FRMD6: variants seen among roughly 807,000 people sequenced by gnomAD.
The protein encoded by FRMD6 is FERM domain containing 6, also known as FERM domain-containing protein 6.
Under a neutral mutation model 73.2 loss-of-function variants are expected in FRMD6, and 37 were observed. The ratio of observed to expected loss-of-function variants is 0.51; its 90% CI spans 0.39 to 0.66. The LOEUF is 0.66. Ranked by LOEUF, FRMD6 falls within the 30% of genes least tolerant of loss-of-function variation. The pLI is 0.00. For synonymous variants in FRMD6, 273 were observed against 282.2 expected (o/e 0.97, Z 0.33); for missense variants, 714 against 780.5 (o/e 0.91, Z 1.02).
At chr14:51,418,726 C>G in the FRMD6 span, among the ~76,000 whole-genome samples, 119 of 152,338 alleles carry the variant, frequency 7.8e-4, 1 homozygote, top group African/African-American at 2.6e-3. Context: ...CAGACAGGGA[C>G]GTTTAAGTCT....
At chr14:51,571,308 G>T (rs1047348750) in intron 2 of FRMD6, among the ~76,000 whole-genome samples, 2 of 152,252 alleles carry the variant, frequency 1.3e-5, no homozygotes, top group Admixed American at 6.5e-5. Context: ...GAGCTGAGGA[G>T]TTCGATGCTG....
intron 2 of FRMD6, among the ~76,000 whole-genome samples, chr14:51,606,357 C>T (rs1367317048): frequency 6.6e-6 from 1 of 152,162 alleles, no homozygotes; most frequent in African/African-American, 2.4e-5. Context: ...TATGCACATG[C>T]CCACACATAT....
chr14:51,511,364 T>C (rs528279623), intron 1 of FRMD6, among the ~76,000 whole-genome samples: 28 of 152,338 alleles, frequency 1.8e-4, no homozygotes, highest in African/African-American at 6.3e-4. Flanking sequence ...ATAATATGAA[T>C]AACAGCTTTG....
chr14:51,500,254 C>T (rs188353928), intron 1 of FRMD6, among the ~76,000 whole-genome samples: 5 of 152,130 alleles, frequency 3.3e-5, no homozygotes, highest in East Asian at 1.9e-4. Flanking sequence ...GTAGGCCGGG[C>T]GTGGTGGCTT....
the FRMD6 span, among the ~76,000 whole-genome samples, chr14:51,399,421 G>A: frequency 0.09 from 13,610 of 152,054 alleles, 703 homozygotes; most frequent in African/African-American, 0.14. Context: ...CCCATTTTTC[G>A]GTAGATACAT....
chr14:51,645,605 T>G (rs546604638), intron 2 of FRMD6, among the ~76,000 whole-genome samples: 1 of 152,068 alleles, frequency 6.6e-6, no homozygotes, highest in East Asian at 1.9e-4. Context: ...CCCAGCTAAT[T>G]TTTTATTTTT....
chr14:51,603,706 C>T (rs542653780), intron 2 of FRMD6, among the ~76,000 whole-genome samples: 8 of 152,106 alleles, frequency 5.3e-5, no homozygotes, highest in Non-Finnish European at 8.8e-5. Context: ...TCACTAGTTA[C>T]GTAACCTGGA....
the FRMD6 span, among the ~76,000 whole-genome samples, chr14:51,418,993 G>A: frequency 6.6e-6 from 1 of 152,248 alleles, no homozygotes; most frequent in Non-Finnish European, 1.5e-5. Context: ...GCCAGGCACG[G>A]GATATAATCT....
chr14:51,436,403 C>T, the FRMD6 span: 9 of 467,858 alleles, frequency 1.9e-5, no homozygotes, highest in African/African-American at 4.1e-5. Flanking sequence ...TGACCAGAGT[C>T]GAAGTGATGG....
chr14:51,515,881 A>G (rs758122881), intron 1 of FRMD6, among the ~76,000 whole-genome samples: 3 of 152,212 alleles, frequency 2.0e-5, no homozygotes, highest in Non-Finnish European at 2.9e-5. Flanking sequence ...GCCAGCTTCC[A>G]ATACAAATAG....
chr14:51,565,030 C>T (rs954354495), intron 1 of FRMD6, among the ~76,000 whole-genome samples: 3 of 152,166 alleles, frequency 2.0e-5, no homozygotes, highest in Non-Finnish European at 4.4e-5. Flanking sequence ...AAGTCTTGAG[C>T]GAAAACTTCC....
intron 1 of FRMD6, among the ~76,000 whole-genome samples, chr14:51,534,348 A>C (rs1167481365): frequency 1.3e-5 from 2 of 152,196 alleles, no homozygotes; most frequent in African/African-American, 4.8e-5. Flanking sequence ...ACCAGTCCTC[A>C]AAGCTTAATT....
the FRMD6 span, among the ~76,000 whole-genome samples, chr14:51,425,502 C>T: frequency 1.3e-5 from 2 of 152,164 alleles, no homozygotes; most frequent in Non-Finnish European, 2.9e-5. Flanking sequence ...TTCTTCTGGG[C>T]GCCCACTGGC....
At chr14:51,542,561 G>A (rs928274097) in intron 1 of FRMD6, among the ~76,000 whole-genome samples, 1 of 151,728 alleles carries the variant, frequency 6.6e-6, no homozygotes, top group Admixed American at 6.6e-5. Context: ...TCTTTCTTTT[G>A]TCTATTGTGA....
chr14:51,561,733 A>C (rs1367789978), intron 1 of FRMD6, among the ~76,000 whole-genome samples: 4 of 152,186 alleles, frequency 2.6e-5, no homozygotes, highest in Non-Finnish European at 5.9e-5. Context: ...GGATATGTCA[A>C]CCTTATTCAG....
chr14:51,479,288 C>A, the FRMD6 span, among the ~76,000 whole-genome samples: 1 of 152,218 alleles, frequency 6.6e-6, no homozygotes, highest in African/African-American at 2.4e-5. Context: ...ATTGTACAAA[C>A]ATGTTCACTC....
chr14:51,715,706 T>C (rs1278648314), intron 10 of FRMD6, among the ~76,000 whole-genome samples: 1 of 152,234 alleles, frequency 6.6e-6, no homozygotes, highest in Non-Finnish European at 1.5e-5. Context: ...TTATTCAGAA[T>C]ATCTGAGGTG....
At chr14:51,687,456 G>T (rs1895244134) in intron 1 of FRMD6, among the ~76,000 whole-genome samples, 1 of 152,118 alleles carries the variant, frequency 6.6e-6, no homozygotes, top group African/African-American at 2.4e-5. Flanking sequence ...GGAAAATTTT[G>T]TCATGAAATA....
the FRMD6 span, among the ~76,000 whole-genome samples, chr14:51,469,214 C>T: frequency 6.6e-6 from 1 of 151,540 alleles, no homozygotes; most frequent in African/African-American, 2.4e-5. Flanking sequence ...GCTGGGATTA[C>T]AGGCGTGAGC....
Sources: allele counts gnomAD v4.1 joint callset (sites outside exome capture counted in the v4.1 genomes callset), GRCh38; gene constraint gnomAD v4.1.1; transcripts MANE v1.5; gene names NCBI Gene and HGNC (gene_info 2026-07-23, HGNC 2026-07-21).